Variants in HCRTR2 observed in about 807,000 individuals in gnomAD.
HCRTR2 encodes the protein orexin receptor type 2.
In HCRTR2, 22 loss-of-function variants were observed where a neutral mutation model predicts 49.0. The observed-to-expected ratio is 0.45, with a 90% CI of 0.32 to 0.64. The LOEUF is 0.64. Ranked by LOEUF, HCRTR2 falls within the 30% of genes least tolerant of loss-of-function variation. HCRTR2 has a pLI of 0.04. For missense variants in HCRTR2, 491 were observed against 559.4 expected (o/e 0.88, Z 1.23); for synonymous variants, 236 against 205.3 (o/e 1.15, Z -1.28).
chr6:55,122,791 A>G (rs1764219469), intron 1 of HCRTR2, among the ~76,000 whole-genome samples: 1 of 152,242 alleles, frequency 6.6e-6, no homozygotes, highest in South Asian at 2.1e-4. Flanking sequence ...GCAGCCATAA[A>G]AAATGATGAG....
intron 1 of HCRTR2, among the ~76,000 whole-genome samples, chr6:55,146,110 C>G (rs73743256): frequency 0.013 from 1,927 of 152,188 alleles, 43 homozygotes; most frequent in African/African-American, 0.043. Context: ...TAAAAAACTT[C>G]CCCTGTAAAA....
chr6:55,157,028 T>G (rs950695677), intron 1 of HCRTR2, among the ~76,000 whole-genome samples: 1 of 152,034 alleles, frequency 6.6e-6, no homozygotes, highest in Admixed American at 6.6e-5. Context: ...GAAAGATAGT[T>G]CTAGTCAATT....
In HCRTR2 at chr6:55,263,753, A is replaced by G; in HGVS notation, c.693A>G (p.Thr231=). ...KMYHICFFLV[T]YMAPLCLMVL... ...ACCACATCTGTTTCTTTCTGGTGAC[A>G]TACATGGCACCACTGTGTCTCATGG... Residue 231 remains threonine, a synonymous_variant, in exon 4 of 7, where the codon ACA becomes ACG. Coordinates refer to ENST00000370862, the MANE Select transcript of HCRTR2 (RefSeq NM_001384272.1). 1 of 1,612,934 alleles carries G rather than the reference A, an allele frequency of 6.2e-7. No individual in the cohort carries two copies. The highest frequency in any genetic ancestry group is 2.2e-5 in the East Asian group (1 of 44,788).
intron 1 of HCRTR2, among the ~76,000 whole-genome samples, chr6:55,166,394 G>A (rs984189305): frequency 1.3e-4 from 2 of 14,856 alleles, no homozygotes; most frequent in African/African-American, 2.6e-4. Flanking sequence ...GGAATAGTTT[G>A]AGAATTGTTA....
chr6:55,238,977 C>CTA (rs1199395249), intron 1 of HCRTR2, among the ~76,000 whole-genome samples: 2 of 152,134 alleles, frequency 1.3e-5, no homozygotes, highest in East Asian at 3.9e-4. Flanking sequence ...GAAGGACTGA[C>CTA]TTTATGGCCC....
chr6:55,112,358 C>T (rs1328069840), intron 1 of HCRTR2, among the ~76,000 whole-genome samples: 1 of 151,752 alleles, frequency 6.6e-6, no homozygotes, highest in Non-Finnish European at 1.5e-5. Context: ...CAAAATTTTG[C>T]TGTTTGCCAG....
At chr6:55,154,983 G>A (rs1010439840) in intron 1 of HCRTR2, among the ~76,000 whole-genome samples, 4 of 151,620 alleles carry the variant, frequency 2.6e-5, no homozygotes, top group African/African-American at 9.7e-5. Context: ...CATTACAATA[G>A]CATCATAAAT....
At chr6:55,272,215 T>G (rs1161669129) in intron 4 of HCRTR2, among the ~76,000 whole-genome samples, 1 of 152,114 alleles carries the variant, frequency 6.6e-6, no homozygotes, top group Admixed American at 6.6e-5. Flanking sequence ...GCCACAAGAT[T>G]GATGAATCTT....
At position 55,255,291 on chromosome 6, in the gene HCRTR2, T is replaced by G; in HGVS notation, c.558T>G (p.Pro186=). 6.2e-7 allele frequency: 1 copy of G among 1,614,050 alleles called. No homozygotes were observed. The highest frequency in any genetic ancestry group is 8.5e-7 in the Non-Finnish European group (1 of 1,179,972). ...TTGTCTCCTGCATTATAATGATTCC[T>G]CAGGCCATCGTCATGGAGTGCAGCA... ...IWIVSCIIMI[P]QAIVMECSTV... The change falls in exon 3 of 7, where the codon CCT becomes CCG. Residue 186 remains proline, a synonymous_variant. Transcript: ENST00000370862.
chr6:55,281,186 A>G (rs1279110240), intron 6 of HCRTR2, among the ~76,000 whole-genome samples: 2 of 152,174 alleles, frequency 1.3e-5, no homozygotes, highest in African/African-American at 4.8e-5. Context: ...GGAAGAATAG[A>G]AATTCATTTT....
At chr6:55,172,088 G>T (rs1764958861), upstream of HCRTR2, among the ~76,000 whole-genome samples, 1 of 152,202 alleles carries the variant, frequency 6.6e-6, no homozygotes, top group Non-Finnish European at 1.5e-5. Flanking sequence ...CAAAGCCACA[G>T]AAGGCCTACT....
intron 1 of HCRTR2, among the ~76,000 whole-genome samples, chr6:55,228,593 A>G (rs1199616248): frequency 2.6e-5 from 4 of 152,124 alleles, no homozygotes; most frequent in Non-Finnish European, 4.4e-5. Flanking sequence ...AAAAATATCC[A>G]ATAACATGCC....
chr6:55,159,900 T>C (rs1297412252), intron 1 of HCRTR2, among the ~76,000 whole-genome samples: 2 of 152,196 alleles, frequency 1.3e-5, no homozygotes, highest in East Asian at 3.8e-4. Context: ...AGGAATCAAG[T>C]TGGAAAACAT....
intron 1 of HCRTR2, among the ~76,000 whole-genome samples, chr6:55,151,315 C>T (rs1764661850): frequency 6.6e-6 from 1 of 152,018 alleles, no homozygotes; most frequent in Admixed American, 6.6e-5. Context: ...TGAAGTTAAT[C>T]TTCTTAAGTC....
At chr6:55,180,772 T>C (rs1336247109) in intron 1 of HCRTR2, among the ~76,000 whole-genome samples, 2 of 152,118 alleles carry the variant, frequency 1.3e-5, no homozygotes, top group East Asian at 3.9e-4. Context: ...ATCATGTTGC[T>C]ATTGATTTTA....
intron 1 of HCRTR2, among the ~76,000 whole-genome samples, chr6:55,229,200 A>G (rs74612351): frequency 4.3e-3 from 657 of 152,188 alleles, no homozygotes; most frequent in Non-Finnish European, 7.1e-3. Context: ...CACTATAAAA[A>G]TTTTTTGTTT....
At chr6:55,231,293 T>C (rs1168759249) in intron 1 of HCRTR2, among the ~76,000 whole-genome samples, 1 of 152,154 alleles carries the variant, frequency 6.6e-6, no homozygotes, top group Non-Finnish European at 1.5e-5. Context: ...TATCCCTTTT[T>C]ATTAAGTTTA....
chr6:55,280,261 C>T, intron 5 of HCRTR2, 62 bp from the exon 6 acceptor site: 2 of 1,109,616 alleles, frequency 1.8e-6, no homozygotes, highest in Non-Finnish European at 2.7e-6. Flanking sequence ...CTACCAATAG[C>T]CTTGTTCACC....
At chr6:55,278,844 G>A (rs2127332892) in intron 5 of HCRTR2, among the ~76,000 whole-genome samples, 1 of 151,538 alleles carries the variant, frequency 6.6e-6, no homozygotes, top group South Asian at 2.1e-4. Context: ...AACATGTTAT[G>A]TTACTGGATG....
Sources: gnomAD v4.1 joint callset for allele counts (sites outside exome capture counted in the v4.1 genomes callset) on GRCh38, gnomAD v4.1.1 for gene constraint, MANE v1.5 for transcripts, NCBI Gene and HGNC (gene_info 2026-07-23, HGNC 2026-07-21) for gene names.